The following CWC22 variants were observed in gnomAD, a reference collection of about 807,000 sequenced individuals.
The protein encoded by CWC22 is CWC22 spliceosome associated protein, also known as pre-mRNA-splicing factor CWC22 homolog.
CWC22 carries 53 observed loss-of-function variants against 117.2 expected under a neutral mutation model. The observed-to-expected ratio is 0.45, with a 90% CI of 0.36 to 0.57. The LOEUF is 0.57. Ranked by LOEUF, CWC22 falls within the 20% of genes least tolerant of loss-of-function variation. CWC22 has a pLI of 0.00. For synonymous variants in CWC22, 360 were observed against 355.6 expected, an observed-to-expected ratio of 1.01 and a Z score of -0.14; for missense variants, 980 against 1,068.8, an observed-to-expected ratio of 0.92 and a Z score of 1.16.
chr2:179,980,419 A>AT (rs34435290), intron 5 of CWC22, among the ~76,000 whole-genome samples: 108,541 of 136,538 alleles, frequency 0.79, 43,183 homozygotes, highest in South Asian at 0.85. Context: ...GACATTTCTT[A>AT]TTTTTTTTTT....
chr2:179,993,360 C>A lies in CWC22; in HGVS notation c.-19G>T. ...TTTTCATTTTCTGTTGCCAGTTGGT[C>A]CAATAAATCAAAGATGCTTCAAACT... is the stretch of plus-strand genomic sequence containing the variant. On this transcript the variant is annotated 5_prime_UTR_variant, in exon 2 of 20. Transcript: ENST00000410053. 1 of 1,556,956 alleles carries A rather than the reference C, an allele frequency of 6.4e-7. No homozygotes were observed. Among genetic ancestry groups the A allele is most frequent in the Non-Finnish European group, 8.7e-7 (1 of 1,146,790 alleles).
rs1687307572 is a variant in CWC22, at chr2:179,982,406, C to T, written c.207-409G>A. 2.6e-5 allele frequency among the ~76,000 whole-genome samples: 4 copies of T among 152,192 alleles called. No homozygotes were observed. The South Asian group carries it at 8.3e-4, about 32-fold the overall frequency. On this transcript the variant is annotated intron_variant, in intron 4 of 19. Transcript: ENST00000410053. The stretch of plus-strand genomic sequence containing the variant: ...ATGTAAAGACTTTAAGGTTTTTATA[C>T]TGGAGGTGATGGGGAATCATTAAAA...
At chr2:179,961,904 T>C (rs891117056) in intron 13 of CWC22, among the ~76,000 whole-genome samples, 1 of 152,022 alleles carries the variant, frequency 6.6e-6, no homozygotes, top group African/African-American at 2.4e-5. Flanking sequence ...TAATAGCAAT[T>C]GAGGAGAGGG....
At chr2:179,979,028 T>C (rs1467143169) in intron 5 of CWC22, among the ~76,000 whole-genome samples, 3 of 152,196 alleles carry the variant, frequency 2.0e-5, no homozygotes, top group African/African-American at 7.2e-5. Flanking sequence ...ATGTCTAAGA[T>C]CTTTCAATGC....
rs58087417 is a variant in CWC22, at chr2:179,957,271, A to G, written c.1458+1751T>C. Among the ~76,000 whole-genome samples, 1,497 of 152,308 alleles carry G rather than the reference A, an allele frequency of 9.8e-3. 26 individuals carry two copies. Among genetic ancestry groups the G allele is most frequent in the African/African-American group, 0.029 (1,216 of 41,572 alleles). ...ACACTATTACTAATATACCAATAAC[A>G]AAACTTTGAAAGGGAAAAAAAGGAA... On this transcript the variant is annotated intron_variant, in intron 14 of 19. Transcript: ENST00000410053.
intron 2 of CWC22, among the ~76,000 whole-genome samples, chr2:179,988,909 A>C (rs1286937194): frequency 6.6e-6 from 1 of 150,476 alleles, no homozygotes; most frequent in Non-Finnish European, 1.5e-5. Context: ...TTTATTTTTT[A>C]TTTCTTTTTA....
intron 2 of CWC22, among the ~76,000 whole-genome samples, chr2:179,990,546 C>CAGACAGAG (rs1191399147): frequency 6.9e-6 from 1 of 144,850 alleles, no homozygotes; most frequent in African/African-American, 2.6e-5. Flanking sequence ...GTGAGACAGA[C>CAGACAGAG]AGAGAGAGAG....
At chr2:179,979,603 A>C (rs1254619878) in intron 5 of CWC22, among the ~76,000 whole-genome samples, 1 of 152,102 alleles carries the variant, frequency 6.6e-6, no homozygotes, top group Non-Finnish European at 1.5e-5. Context: ...TGTATCACTG[A>C]TATTGTTTAG....
In CWC22 at chr2:179,950,528, A is replaced by C; in HGVS notation, c.2124T>G (p.Ser708Arg). 2 of 1,609,284 alleles carry C rather than the reference A, an allele frequency of 1.2e-6. No individual in the cohort carries two copies. The highest frequency in any genetic ancestry group is 1.1e-5 in the South Asian group (1 of 90,810). ...CTTCAATACCTGAGGCAGAGCTATG[A>C]CTACTGATGGATGAAGAGTCGCTCT... ...SEESDSSSIS[S>R]HSSASANDVR... The change falls in exon 19 of 20, where the codon AGT (serine) becomes AGG (arginine). Residue 708 changes from serine to arginine, a missense_variant. Ser to Arg is a moderately radical substitution (Grantham distance 110, BLOSUM62 -1). Around this residue, in one of 3 missense-constraint regions of CWC22, gnomAD observed 306 missense variants for 296.8 expected, o/e 1.03. Coordinates refer to ENST00000410053, the MANE Select transcript of CWC22 (RefSeq NM_020943.3).
intron 5 of CWC22, among the ~76,000 whole-genome samples, chr2:179,978,953 C>T (rs1575650865): frequency 1.3e-5 from 2 of 152,250 alleles, no homozygotes; most frequent in East Asian, 3.9e-4. Flanking sequence ...AGCTGTACTG[C>T]TTTTTACCCT....
chr2:179,988,946 T>C (rs900814785), intron 2 of CWC22, among the ~76,000 whole-genome samples: 5 of 151,724 alleles, frequency 3.3e-5, no homozygotes, highest in African/African-American at 7.2e-5. Flanking sequence ...AATAGTTTTA[T>C]GTGGAACAGG....
At chr2:179,966,913 G>C (rs1336818172) in intron 11 of CWC22, among the ~76,000 whole-genome samples, 1 of 152,168 alleles carries the variant, frequency 6.6e-6, no homozygotes, top group Non-Finnish European at 1.5e-5. Flanking sequence ...AAAGTTAGCA[G>C]AGAACTTCAC....
At chr2:179,977,262 G>C (rs1432372972) in intron 6 of CWC22, among the ~76,000 whole-genome samples, 1 of 152,148 alleles carries the variant, frequency 6.6e-6, no homozygotes, top group Admixed American at 6.5e-5. Flanking sequence ...GTATGTTGAA[G>C]AGGTATCTGC....
chr2:179,979,522 A>C (rs1687235348), intron 5 of CWC22, among the ~76,000 whole-genome samples: 1 of 152,160 alleles, frequency 6.6e-6, no homozygotes, highest in South Asian at 2.1e-4. Flanking sequence ...AGGGGCTTGT[A>C]GGTTAAGAAT....
At chr2:179,991,302 AC>A (rs1442007356) in intron 2 of CWC22, among the ~76,000 whole-genome samples, 1 of 152,160 alleles carries the variant, frequency 6.6e-6, no homozygotes, top group East Asian at 1.9e-4. Context: ...CAAGGGAAAA[AC>A]AGGGGATTCT....
intron 4 of CWC22, 151 bp downstream of exon 4, chr2:179,986,544 T>C (rs1450914883): frequency 2.0e-6 from 1 of 497,168 alleles, no homozygotes; most frequent in East Asian, 3.2e-5. Flanking sequence ...AATAAGAAGT[T>C]AATTCATATA....
chr2:179,982,677 T>C (rs1238807753), intron 4 of CWC22, among the ~76,000 whole-genome samples: 1 of 152,192 alleles, frequency 6.6e-6, no homozygotes. Context: ...GGAAAAACTT[T>C]TCTAGCCACA....
chr2:179,979,069 T>C (rs1231796190), intron 5 of CWC22, among the ~76,000 whole-genome samples: 1 of 152,216 alleles, frequency 6.6e-6, no homozygotes, highest in East Asian at 1.9e-4. Context: ...GTAACTGCTT[T>C]TCTGTGGAAT....
chr2:179,966,689 T>G (rs1193457916), intron 11 of CWC22, among the ~76,000 whole-genome samples: 2 of 152,172 alleles, frequency 1.3e-5, no homozygotes, highest in African/African-American at 2.4e-5. Context: ...AGTCATTATG[T>G]TAAAAGCAAA....
Sources: gnomAD v4.1 joint callset for allele counts (sites outside exome capture counted in the v4.1 genomes callset) on GRCh38, gnomAD v4.1.1 for gene constraint, gnomAD v4.1.1 regional missense constraint, MANE v1.5 for transcripts, NCBI Gene and HGNC (gene_info 2026-07-23, HGNC 2026-07-21) for gene names.